The following ARSG variants were observed in gnomAD, a reference collection of about 807,000 sequenced individuals.
ARSG encodes the protein arylsulfatase G, also known as ASG.
In ARSG, 37 loss-of-function variants were observed where a neutral mutation model predicts 50.5. That is an observed-to-expected ratio of 0.73 (90% CI 0.56 to 0.96). The LOEUF (loss-of-function observed/expected upper bound fraction) is 0.96, where lower values mean the gene tolerates loss of function less well. ARSG is among the 50% of genes least tolerant of loss of function. The probability of loss-of-function intolerance (pLI) is 0.00; values close to 1 mark genes in which losing one functional copy is unlikely to be tolerated. For synonymous variants in ARSG, 225 were observed against 254.6 expected (o/e 0.88, Z 1.11); for missense variants, 629 against 675.3 (o/e 0.93, Z 0.76).
intron 6 of ARSG, among the ~76,000 whole-genome samples, chr17:68,362,255 C>T (rs2079327087): frequency 6.6e-6 from 1 of 151,988 alleles, no homozygotes; most frequent in African/African-American, 2.4e-5. Context: ...TCTCACCCGG[C>T]TCCCACCCGA....
intron 9 of ARSG, among the ~76,000 whole-genome samples, chr17:68,387,733 G>C (rs115627524): frequency 3.3e-5 from 5 of 152,184 alleles, no homozygotes; most frequent in African/African-American, 1.2e-4. Context: ...ATTGCTTGAG[G>C]AATATAGATC....
downstream of ARSG, chr17:68,425,948 A>T (rs2083139670): frequency 5.5e-6 from 4 of 723,588 alleles, no homozygotes; most frequent in East Asian, 7.9e-5. Context: ...CTTTCCAAAT[A>T]CTAGAGCAGA....
chr17:68,449,947 G>C, the ARSG span, among the ~76,000 whole-genome samples: 3 of 152,162 alleles, frequency 2.0e-5, no homozygotes, highest in Non-Finnish European at 4.4e-5. Context: ...GGAGATGGAG[G>C]CTGCAGTGAG....
chr17:68,368,160 C>G (rs575595819), intron 6 of ARSG, among the ~76,000 whole-genome samples: 65 of 152,250 alleles, frequency 4.3e-4, no homozygotes, highest in African/African-American at 1.5e-3. Flanking sequence ...GTGTGTGTGC[C>G]TTAGACTTTA....
chr17:68,269,093 G>A (rs781989611), intron 1 of ARSG: 80 of 1,526,670 alleles, frequency 5.2e-5, no homozygotes, highest in Non-Finnish European at 6.2e-5. Context: ...GTAAGAAAGT[G>A]TGTCATACCG....
In ARSG at chr17:68,385,153, A is replaced by T. The variant is rs765020092; in HGVS notation, c.1072A>T (p.Thr358Ser). The T allele has an allele frequency of 6.2e-7, 1 of 1,613,416 alleles. No individual in the cohort carries two copies. Residue 358 changes from threonine (T) to serine (S), a missense_variant, in exon 9 of 12, where the codon ACC becomes TCC. Thr to Ser is a moderately conservative substitution (Grantham distance 58). Coordinates refer to ENST00000621439, the MANE Select transcript of ARSG (RefSeq NM_001267727.2). The part of the protein sequence containing the change: ...YWPGRVPVNV[T>S]STALLSVLDI... ...GCCTGGCAGAGTTCCAGTTAATGTC[A>T]CCAGCACTGCCTTGTTAAGGTATGA... is the stretch of plus-strand genomic sequence containing the variant.
chr17:68,450,114 C>A, the ARSG span, among the ~76,000 whole-genome samples: 1 of 152,124 alleles, frequency 6.6e-6, no homozygotes, highest in Admixed American at 6.5e-5. Context: ...TAAAAGAGAA[C>A]ATATTGCCTA....
chr17:68,428,038 T>G, the ARSG span, among the ~76,000 whole-genome samples: 5,665 of 151,786 alleles, frequency 0.037, 367 homozygotes, highest in African/African-American at 0.13. Flanking sequence ...CTACAAGGCA[T>G]GTACCACCAT....
At chr17:68,423,126 A>C (rs2082918740), downstream of ARSG, among the ~76,000 whole-genome samples, 1 of 152,192 alleles carries the variant, frequency 6.6e-6, no homozygotes, top group Admixed American at 6.5e-5. This position sits in a 1 kb window ranked among gnomAD's most constrained non-coding sequence, Gnocchi z 4.4. Flanking sequence ...ATTTTAACCA[A>C]GCTGAGACTC....
intron 1 of ARSG, among the ~76,000 whole-genome samples, chr17:68,295,070 G>C (rs1599599786): frequency 6.6e-6 from 1 of 152,196 alleles, no homozygotes; most frequent in African/African-American, 2.4e-5. Flanking sequence ...CTCATGGTCA[G>C]GTTCCCTAAC....
At chr17:68,401,238 G>A (rs2081456628) in intron 10 of ARSG, 122 bp from the exon 11 acceptor site, 1 of 834,918 alleles carries the variant, frequency 1.2e-6, no homozygotes, top group Non-Finnish European at 2.0e-6. Context: ...GCCCAGGCTG[G>A]TTTCAAACTC....
chr17:68,444,915 C>CTTTTT, the ARSG span, among the ~76,000 whole-genome samples: 1 of 89,092 alleles, frequency 1.1e-5, no homozygotes, highest in African/African-American at 4.8e-5. Context: ...ATCCTGAACA[C>CTTTTT]TTTTTTTTTT....
intron 1 of ARSG, among the ~76,000 whole-genome samples, chr17:68,265,714 T>G (rs2075145864): frequency 4.2e-5 from 1 of 24,046 alleles, no homozygotes; most frequent in African/African-American, 3.4e-4. Flanking sequence ...AGTCCACTGT[T>G]TTTTTTTTTT....
the ARSG span, chr17:68,450,886 C>A: frequency 1.9e-6 from 3 of 1,611,996 alleles, no homozygotes; most frequent in East Asian, 6.7e-5. Context: ...ATGTAGACGT[C>A]CGGGATTTCA....
At chr17:68,307,882 C>T (rs1452094377) in intron 2 of ARSG, among the ~76,000 whole-genome samples, 171 bp downstream of exon 2, 3 of 152,000 alleles carry the variant, frequency 2.0e-5, no homozygotes, top group African/African-American at 7.3e-5. Flanking sequence ...AGAAATCCAG[C>T]CATCTAGCAC....
chr17:68,341,741 G>A (rs1312609028), intron 2 of ARSG, among the ~76,000 whole-genome samples: 1 of 152,174 alleles, frequency 6.6e-6, no homozygotes, highest in Non-Finnish European at 1.5e-5. Context: ...ATAGGATAAT[G>A]GCTAGAATTC....
chr17:68,335,553 C>CAAAA (rs397856679), intron 2 of ARSG, among the ~76,000 whole-genome samples: 1 of 89,868 alleles, frequency 1.1e-5, no homozygotes, highest in Non-Finnish European at 2.5e-5. Context: ...GACTCCATCT[C>CAAAA]AAAAAAAAAA....
intron 2 of ARSG, among the ~76,000 whole-genome samples, chr17:68,330,520 A>C (rs535948754): frequency 4.6e-5 from 7 of 152,170 alleles, no homozygotes; most frequent in Non-Finnish European, 1.0e-4. Context: ...CATGCTAATA[A>C]TTTAGCTGTG....
intron 1 of ARSG, chr17:68,270,694 C>T (rs1432711736): frequency 1.4e-6 from 1 of 692,780 alleles, no homozygotes. Context: ...AGAGGGCTGG[C>T]TCAGGTAATC....
Sources: gnomAD v4.1 joint callset for allele counts (sites outside exome capture counted in the v4.1 genomes callset) on GRCh38, gnomAD v4.1.1 for gene constraint, Gnocchi (gnomAD v3.1) non-coding constraint, MANE v1.5 for transcripts, NCBI Gene and HGNC (gene_info 2026-07-23, HGNC 2026-07-21) for gene names.